FAM184B: variants seen among roughly 807,000 people sequenced by gnomAD.
FAM184B encodes family with sequence similarity 184 member B.
Under a neutral mutation model 135.9 loss-of-function variants are expected in FAM184B, and 111 were observed. The ratio of observed to expected loss-of-function variants is 0.82; its 90% CI spans 0.70 to 0.96. FAM184B has a LOEUF of 0.96. Among genes scored for constraint, FAM184B ranks in the 40% least tolerant of loss-of-function variants. FAM184B has a pLI of 0.00. For synonymous variants in FAM184B, 552 were observed against 524.8 expected, an observed-to-expected ratio of 1.05 and a Z score of -0.71; for missense variants, 1,375 against 1,323.9, an observed-to-expected ratio of 1.04 and a Z score of -0.60.
intron 7 of FAM184B, among the ~76,000 whole-genome samples, chr4:17,686,729 G>C (rs1444596532): frequency 6.6e-6 from 1 of 152,224 alleles, no homozygotes; most frequent in Non-Finnish European, 1.5e-5. Context: ...ATCACCTGAG[G>C]TCAGGAGTTC....
chr4:17,712,478 C>G (rs1004850451), intron 1 of FAM184B, among the ~76,000 whole-genome samples: 6 of 152,186 alleles, frequency 3.9e-5, no homozygotes, highest in Non-Finnish European at 8.8e-5. Flanking sequence ...CCCCATCACA[C>G]CCTTTCACAC....
At chr4:17,753,983 C>G (rs1024562402) in intron 1 of FAM184B, among the ~76,000 whole-genome samples, 6 of 151,964 alleles carry the variant, frequency 3.9e-5, no homozygotes, top group African/African-American at 1.5e-4. Context: ...TTGTCTTGGC[C>G]TAAGGGCAGG....
intron 10 of FAM184B, among the ~76,000 whole-genome samples, chr4:17,653,931 G>GAGAGA (rs1560168678): frequency 0.011 from 18 of 1,596 alleles, no homozygotes; most frequent in Non-Finnish European, 0.012. Context: ...GGAGGGGGAG[G>GAGAGA]GGGATTTGAA....
chr4:17,662,597 CA>C (rs535642608), intron 8 of FAM184B, among the ~76,000 whole-genome samples: 123 of 152,328 alleles, frequency 8.1e-4, no homozygotes, highest in African/African-American at 2.9e-3. Flanking sequence ...CTCGGCCTCC[CA>C]AAGTGCTGGG....
In FAM184B at chr4:17,709,744, A is replaced by G. The variant is rs1172423039; in HGVS notation, c.142-100T>C. The G allele has an allele frequency of 1.4e-5, 15 of 1,096,992 alleles. No individual in the cohort carries two copies. The Admixed American group carries it at 4.7e-4, about 34-fold the overall frequency. 68.0% of individuals were successfully genotyped at this position (1,096,992 alleles called of 1,614,324 possible). A position where few individuals can be genotyped will look rare whatever the true frequency, so the allele number is the denominator to read the frequency against. ...TTCTCCTGCATGGCGGTTGATCTGC[A>G]CAAGTGGCACCTGAGAAGAGGATTT... On this transcript the variant is annotated intron_variant, in intron 1 of 17. Coordinates refer to ENST00000265018, the MANE Select transcript of FAM184B (RefSeq NM_015688.2).
At chr4:17,734,044 G>A (rs1717851029) in intron 1 of FAM184B, among the ~76,000 whole-genome samples, 1 of 152,154 alleles carries the variant, frequency 6.6e-6, no homozygotes, top group Non-Finnish European at 1.5e-5. Context: ...ACAACCATCT[G>A]ATCTTTGACA....
At chr4:17,694,353 C>T (rs1716807124) in intron 5 of FAM184B, among the ~76,000 whole-genome samples, 1 of 152,108 alleles carries the variant, frequency 6.6e-6, no homozygotes. Context: ...GAAACCCCGT[C>T]TCCACTAAAA....
chr4:17,733,907 C>T (rs2108979411), intron 1 of FAM184B, among the ~76,000 whole-genome samples: 1 of 152,280 alleles, frequency 6.6e-6, no homozygotes, highest in South Asian at 2.1e-4. Flanking sequence ...CTGGAGGCAT[C>T]ACGCTACCTG....
At chr4:17,663,624 A>AC (rs1553831630) in intron 8 of FAM184B, among the ~76,000 whole-genome samples, 45,495 of 150,528 alleles carry the variant, frequency 0.3, 7,456 homozygotes, top group Non-Finnish European at 0.37. Context: ...CAACACACAC[A>AC]CACACACACA....
chr4:17,780,200 CA>C (rs1368420032), intron 1 of FAM184B, among the ~76,000 whole-genome samples: 1 of 151,854 alleles, frequency 6.6e-6, no homozygotes, highest in Non-Finnish European at 1.5e-5. Flanking sequence ...TGTGATCCCA[CA>C]AAAAAATGTG....
rs144194268 is a variant in FAM184B at position 17,704,455 on chromosome 4, C to T, written c.1377+545G>A. 3.1e-4 allele frequency among the ~76,000 whole-genome samples: 47 copies of T among 152,284 alleles called. No individual in the cohort carries two copies. The East Asian group carries it at 7.2e-3, about 23-fold the overall frequency. ...CCCACGTGTCCTAGGCACTAGGATA[C>T]GCCTTGTGTCTTCACGTGGTTCCTC... On this transcript the variant is annotated intron_variant, in intron 5 of 17. Transcript: ENST00000265018.
intron 7 of FAM184B, among the ~76,000 whole-genome samples, chr4:17,670,016 G>A (rs1250934693): frequency 6.6e-6 from 1 of 152,066 alleles, no homozygotes; most frequent in African/African-American, 2.4e-5. Context: ...GGTTTACAAA[G>A]CAAATCTCAA....
intron 1 of FAM184B, among the ~76,000 whole-genome samples, chr4:17,775,353 T>C (rs1016739767): frequency 6.6e-6 from 1 of 151,986 alleles, no homozygotes; most frequent in Non-Finnish European, 1.5e-5. Flanking sequence ...ACCCAGCTAA[T>C]TTTTTGTATT....
intron 13 of FAM184B, among the ~76,000 whole-genome samples, chr4:17,641,642 C>CTTTTTTTTTT (rs1560165284): frequency 7.0e-4 from 24 of 34,448 alleles, no homozygotes; most frequent in African/African-American, 1.8e-3. Context: ...CCACGCCCGG[C>CTTTTTTTTTT]CTTTTTTTTT....
At chr4:17,648,505 T>C (rs1490383477) in intron 11 of FAM184B, among the ~76,000 whole-genome samples, 1 of 127,374 alleles carries the variant, frequency 7.9e-6, no homozygotes, top group Non-Finnish European at 1.7e-5. Context: ...CCACCACACC[T>C]GGCTAATTTT....
In FAM184B at chr4:17,635,105, T is replaced by C; in HGVS notation, c.2793A>G (p.Arg931=). Residue 931 remains arginine, a synonymous_variant, in exon 16 of 18, where the codon AGA becomes AGG. Coordinates refer to ENST00000265018, the MANE Select transcript of FAM184B (RefSeq NM_015688.2). ...EDIIKQLTEE[R]RFHYAAFPSA... ...TGGGGAATGCTGCGTAGTGAAATCT[T>C]CTCTCTTCCTAGAAAACCAATACAA... 6.4e-7 allele frequency: 1 copy of C among 1,551,336 alleles called. No homozygotes were observed. Among genetic ancestry groups the C allele is most frequent in the Non-Finnish European group, 8.7e-7 (1 of 1,146,700 alleles).
chr4:17,722,934 C>G (rs1717562463), intron 1 of FAM184B, among the ~76,000 whole-genome samples: 1 of 152,166 alleles, frequency 6.6e-6, no homozygotes, highest in African/African-American at 2.4e-5. Flanking sequence ...CAAGCGGGAG[C>G]ATCAAACCCT....
intron 7 of FAM184B, among the ~76,000 whole-genome samples, chr4:17,687,424 A>G (rs1271325518): frequency 6.6e-6 from 1 of 152,188 alleles, no homozygotes; most frequent in African/African-American, 2.4e-5. Flanking sequence ...GAGATTATTT[A>G]TATTGCTGAC....
chr4:17,686,728 G>A (rs540517223), intron 7 of FAM184B, among the ~76,000 whole-genome samples: 1 of 152,218 alleles, frequency 6.6e-6, no homozygotes, highest in African/African-American at 2.4e-5. Context: ...GATCACCTGA[G>A]GTCAGGAGTT....
Sources: gnomAD v4.1 joint callset for allele counts (sites outside exome capture counted in the v4.1 genomes callset) on GRCh38, gnomAD v4.1.1 for gene constraint, MANE v1.5 for transcripts, NCBI Gene and HGNC (gene_info 2026-07-23, HGNC 2026-07-21) for gene names.